Variants in CFAP221 observed in about 807,000 individuals in gnomAD.
CFAP221 encodes the protein cilia and flagella associated protein 221, also known as cilia- and flagella-associated protein 221.
In CFAP221, 97 loss-of-function variants were observed where a neutral mutation model predicts 113.1. The observed-to-expected ratio is 0.86, with a 90% CI of 0.73 to 1.02. CFAP221 has a LOEUF of 1.02. Ranked by LOEUF, CFAP221 falls within the 50% of genes least tolerant of loss-of-function variation. The pLI, the probability that CFAP221 is intolerant of heterozygous loss-of-function variation, is 0.00. For missense variants in CFAP221, 1,025 were observed against 1,013.4 expected (o/e 1.01, Z -0.16); for synonymous variants, 331 against 354.4 (o/e 0.93, Z 0.74).
chr2:119,569,369 C>T (rs1007304356), intron 6 of CFAP221, among the ~76,000 whole-genome samples: 3 of 152,060 alleles, frequency 2.0e-5, no homozygotes, highest in African/African-American at 4.8e-5. Flanking sequence ...CCACCCACCT[C>T]GACCTCCCAA....
chr2:119,616,758 C>G (rs1004173756), intron 14 of CFAP221, among the ~76,000 whole-genome samples: 28 of 152,226 alleles, frequency 1.8e-4, no homozygotes, highest in African/African-American at 6.3e-4. Flanking sequence ...CAGCTCTGCT[C>G]CATGGGACTG....
chr2:119,560,691 C>T (rs944035035), intron 5 of CFAP221, among the ~76,000 whole-genome samples: 5 of 152,140 alleles, frequency 3.3e-5, no homozygotes, highest in African/African-American at 4.8e-5. Flanking sequence ...GAAGAGTATA[C>T]ATTAGTAACA....
At chr2:119,653,395 A>C (rs1330689861) in intron 23 of CFAP221, among the ~76,000 whole-genome samples, 1 of 152,174 alleles carries the variant, frequency 6.6e-6, no homozygotes, top group Admixed American at 6.5e-5. Flanking sequence ...AAATAAATAA[A>C]TAAAATATAA....
chr2:119,652,271 T>C (rs1204202087), intron 23 of CFAP221, among the ~76,000 whole-genome samples: 1 of 152,252 alleles, frequency 6.6e-6, no homozygotes, highest in African/African-American at 2.4e-5. Flanking sequence ...AGTAAGCCTT[T>C]AAAAACTGAA....
At chr2:119,605,071 C>A (rs1008931258) in intron 10 of CFAP221, 84 bp downstream of exon 10, 2 of 1,489,932 alleles carry the variant, frequency 1.3e-6, no homozygotes, top group East Asian at 2.3e-5. Context: ...CTATGAACAA[C>A]AAAATTCAGT....
rs1370707381 is a variant in CFAP221, at chr2:119,639,779, A to G, written c.2134-2A>G. ...CTTCCCATGTGCTGACTTTCCTTAC[A>G]GGACATTATTCCCGGAATAATGCAC... is the stretch of plus-strand genomic sequence containing the variant. On this transcript the variant is annotated splice_acceptor_variant, in intron 20 of 23. Coordinates refer to ENST00000413369, the MANE Select transcript of CFAP221 (RefSeq NM_001271049.2). LOFTEE classifies it high-confidence loss of function. 2 of 1,613,254 alleles carry G rather than the reference A, an allele frequency of 1.2e-6. No individual in the cohort carries two copies. Among genetic ancestry groups the G allele is most frequent in the East Asian group, 2.2e-5 (1 of 44,892 alleles).
chr2:119,580,520 G>A (rs774970475), intron 6 of CFAP221: 16 of 152,270 alleles, frequency 1.1e-4, no homozygotes, highest in African/African-American at 3.1e-4. Context: ...ACTGCCTGAC[G>A]TTAGGAACTC....
intron 7 of CFAP221, among the ~76,000 whole-genome samples, chr2:119,596,694 T>C (rs1684006768): frequency 6.6e-6 from 1 of 152,226 alleles, no homozygotes; most frequent in African/African-American, 2.4e-5. Context: ...TTAAAATAAG[T>C]ACTAGGGATT....
At position 119,544,465 on chromosome 2, in the gene CFAP221, G is replaced by C. The variant is rs1038679173; in HGVS notation, c.-93G>C. The C allele has an allele frequency of 1.3e-5, 2 of 151,814 alleles. No individual in the cohort carries two copies. Among genetic ancestry groups the C allele is most frequent in the African/African-American group, 4.8e-5 (2 of 41,396 alleles). The allele number at this position is 151,814 out of a possible 1,614,324, so 9.4% of individuals were successfully genotyped here. On this transcript the variant is annotated 5_prime_UTR_variant, in exon 1 of 24. Transcript: ENST00000413369. ...CGTCATGGCGACGCTCCGAGCGGGC[G>C]CCGGCGCTGGCGCCGGCCGAATCCG...
intron 16 of CFAP221, among the ~76,000 whole-genome samples, chr2:119,629,497 ATGCAG>A (rs1686612642): frequency 2.0e-5 from 3 of 152,176 alleles, no homozygotes; most frequent in Admixed American, 2.0e-4. Flanking sequence ...ACTCTGACTG[ATGCAG>A]TGCCGTTCAG....
intron 8 of CFAP221, 184 bp downstream of exon 8, chr2:119,601,561 A>G (rs2104663653): frequency 1.9e-6 from 1 of 531,098 alleles, no homozygotes; most frequent in Admixed American, 4.0e-5. Context: ...GCTAGTAGCA[A>G]GAGTTGCTTC....
intron 19 of CFAP221, among the ~76,000 whole-genome samples, chr2:119,634,776 G>T (rs1191674997): frequency 1.3e-5 from 2 of 152,186 alleles, no homozygotes; most frequent in African/African-American, 4.8e-5. Context: ...TAGCCAGATT[G>T]ACATAATCAA....
intron 2 of CFAP221, among the ~76,000 whole-genome samples, chr2:119,547,427 CA>C (rs1174183060): frequency 6.6e-6 from 1 of 152,034 alleles, no homozygotes; most frequent in Non-Finnish European, 1.5e-5. Context: ...TGTGTGGTGG[CA>C]GGCGCCTGTA....
At chr2:119,545,590 A>C (rs899902503) in intron 1 of CFAP221, among the ~76,000 whole-genome samples, 2 of 152,178 alleles carry the variant, frequency 1.3e-5, no homozygotes, top group African/African-American at 4.8e-5. Context: ...TAGCAGAGGG[A>C]TGGAGGAGGG....
At chr2:119,612,226 A>C (rs1413809047) in intron 13 of CFAP221, among the ~76,000 whole-genome samples, 2 of 152,120 alleles carry the variant, frequency 1.3e-5, no homozygotes, top group Non-Finnish European at 2.9e-5. Context: ...GGCCCCATCC[A>C]CCTGATTATC....
At chr2:119,635,155 G>A (rs769688361) in intron 19 of CFAP221, among the ~76,000 whole-genome samples, 5 of 152,116 alleles carry the variant, frequency 3.3e-5, no homozygotes, top group Non-Finnish European at 5.9e-5. Flanking sequence ...AAATTAAAAC[G>A]TCAATGAGAT....
At chr2:119,571,639 G>T (rs1383478448) in intron 6 of CFAP221, among the ~76,000 whole-genome samples, 5 of 151,818 alleles carry the variant, frequency 3.3e-5, no homozygotes, top group Admixed American at 3.3e-4. Context: ...GTATTTTTTG[G>T]TGGAGATGGG....
At chr2:119,610,367 G>A (rs1383651198) in intron 12 of CFAP221, among the ~76,000 whole-genome samples, 1 of 152,184 alleles carries the variant, frequency 6.6e-6, no homozygotes. Flanking sequence ...GCATGTGGTG[G>A]AAACAAAGAG....
chr2:119,561,444 C>T (rs564055374), intron 5 of CFAP221, among the ~76,000 whole-genome samples: 7 of 152,274 alleles, frequency 4.6e-5, no homozygotes, highest in South Asian at 2.1e-4. Context: ...TAATACCTCA[C>T]TTTTATGCAG....
Sources: gnomAD v4.1 joint callset for allele counts (sites outside exome capture counted in the v4.1 genomes callset) on GRCh38, gnomAD v4.1.1 for gene constraint, MANE v1.5 for transcripts, NCBI Gene and HGNC (gene_info 2026-07-23, HGNC 2026-07-21) for gene names.